Variants in DDX4 observed in about 807,000 individuals in gnomAD.
The protein encoded by DDX4 is probable ATP-dependent RNA helicase DDX4.
DDX4 carries 25 observed loss-of-function variants against 100.0 expected under a neutral mutation model. The ratio of observed to expected loss-of-function variants is 0.25; its 90% CI spans 0.18 to 0.35. The LOEUF is 0.35. Ranked by LOEUF, DDX4 falls within the 10% of genes least tolerant of loss-of-function variation. The pLI, the probability that DDX4 is intolerant of heterozygous loss-of-function variation, is 1.00. For synonymous variants in DDX4, 259 were observed against 275.7 expected (o/e 0.94, Z 0.60); for missense variants, 635 against 882.4 (o/e 0.72, Z 3.55).
chr5:55,792,702 GT>G lies in DDX4; in HGVS notation c.1368del (p.Phe456LeufsTer5). 1.9e-6 allele frequency: 3 copies of G among 1,603,690 alleles called. No homozygotes were observed. The highest frequency in any genetic ancestry group is 1.3e-5 in the African/African-American group (1 of 74,406). On this transcript the variant is annotated frameshift_variant, in exon 17 of 22. Coordinates refer to ENST00000505374, the MANE Select transcript of DDX4 (RefSeq NM_024415.3). LOFTEE classifies it high-confidence loss of function. ...LDEADRMLDMGFGPEMKKLIS... is the reference protein window; with the variant it reads ...LDEADRMLDMXFGPEMKKLIS... ...GAAGCTGATCGCATGTTGGATATGG[GT>G]TTTGGTCCAGAAATGAAGAAGTTAA...
In DDX4 at chr5:55,771,014, A is replaced by AATT. The variant is rs138377552; in HGVS notation, c.394+3076_394+3078dup. 4.2e-3 allele frequency among the ~76,000 whole-genome samples: 646 copies of AATT among 152,258 alleles called. 1 individual carries two copies. Among genetic ancestry groups the AATT allele is most frequent in the African/African-American group, 0.015 (621 of 41,530 alleles). On this transcript the variant is annotated intron_variant, in intron 7 of 21. Transcript: ENST00000505374. ...CCTGACTTACAGATTAGTGTAGGAT[A>AATT]ATTAGCAGGGGCACAGCCATTTTGC... is the stretch of plus-strand genomic sequence containing the variant.
intron 4 of DDX4, among the ~76,000 whole-genome samples, chr5:55,762,746 T>C (rs761096991): frequency 2.0e-5 from 3 of 151,828 alleles, no homozygotes; most frequent in Non-Finnish European, 4.4e-5. Flanking sequence ...ATTTTAAAAA[T>C]GGAAAGGATA....
At chr5:55,811,972 A>G (rs556047441) in intron 18 of DDX4, among the ~76,000 whole-genome samples, 92 of 152,292 alleles carry the variant, frequency 6.0e-4, no homozygotes, top group African/African-American at 2.1e-3. Context: ...TAAGCTTTAC[A>G]CTGATAATAG....
At chr5:55,760,961 A>G (rs2111784958) in intron 4 of DDX4, among the ~76,000 whole-genome samples, 1 of 152,318 alleles carries the variant, frequency 6.6e-6, no homozygotes, top group African/African-American at 2.4e-5. Flanking sequence ...TTTGTTAAAC[A>G]TACTTGACAC....
intron 19 of DDX4, among the ~76,000 whole-genome samples, chr5:55,814,015 G>C (rs6858934): frequency 6.6e-6 from 1 of 152,110 alleles, no homozygotes; most frequent in Non-Finnish European, 1.5e-5. Flanking sequence ...ATAAAGGTCT[G>C]CCTTACTCTC....
chr5:55,748,453 G>A lies in DDX4; in HGVS notation c.127+2232G>A, dbSNP rs557349653. On this transcript the variant is annotated intron_variant, in intron 3 of 21. Transcript: ENST00000505374. The stretch of plus-strand genomic sequence containing the variant: ...TTAACGCATAACACTGTTTTGTATT[G>A]GAATTTTCAAGAAACTAGACTGAAA... 2.0e-4 allele frequency among the ~76,000 whole-genome samples: 31 copies of A among 151,880 alleles called. 2 individuals carry two copies. The South Asian group carries it at 5.0e-3, about 24-fold the overall frequency.
chr5:55,809,979 T>C (rs561885677), intron 18 of DDX4, among the ~76,000 whole-genome samples: 1 of 152,212 alleles, frequency 6.6e-6, no homozygotes, highest in African/African-American at 2.4e-5. Context: ...GGTAAAAGTA[T>C]ACTTTGGATG....
chr5:55,787,433 T>C (rs897864574), intron 14 of DDX4, among the ~76,000 whole-genome samples: 5 of 152,230 alleles, frequency 3.3e-5, no homozygotes, highest in African/African-American at 1.2e-4. Context: ...TCTAAGTTTT[T>C]ACTCTGTGGG....
chr5:55,793,481 G>A (rs1031592650), intron 17 of DDX4, among the ~76,000 whole-genome samples: 4 of 152,070 alleles, frequency 2.6e-5, no homozygotes, highest in East Asian at 1.9e-4. Context: ...TAGGTTTATC[G>A]GGATGTTAAC....
intron 2 of DDX4, among the ~76,000 whole-genome samples, chr5:55,740,479 T>C (rs1415323062): frequency 6.6e-6 from 1 of 151,262 alleles, no homozygotes; most frequent in Non-Finnish European, 1.5e-5. Flanking sequence ...ACATGTTTTA[T>C]ATAGTTTTGA....
chr5:55,763,475 A>G (rs900962359), intron 5 of DDX4, among the ~76,000 whole-genome samples: 1 of 151,870 alleles, frequency 6.6e-6, no homozygotes, highest in Admixed American at 6.6e-5. Flanking sequence ...TTCTAGAGAC[A>G]TGTCTGTATG....
At position 55,814,944 on chromosome 5, in the gene DDX4, C is replaced by T; in HGVS notation, c.1759C>T (p.Arg587Cys). The change falls in exon 20 of 22, where the codon CGC becomes TGC. Residue 587 changes from arginine (R) to cysteine (C), a missense_variant. Arg to Cys is a radical substitution (Grantham distance 180). Coordinates refer to ENST00000505374, the MANE Select transcript of DDX4 (RefSeq NM_024415.3). ...GCGGGAGCAAGCTCTTGGAGATTTTCGCTTTGGAAAGTGCCCAGTTCTTGT... is the reference window on the plus strand; with the variant it reads ...GCGGGAGCAAGCTCTTGGAGATTTTTGCTTTGGAAAGTGCCCAGTTCTTGT... ...REREQALGDF[R>C]FGKCPVLVAT... 5.6e-6 allele frequency: 9 copies of T among 1,614,160 alleles called. No individual in the cohort carries two copies. Among genetic ancestry groups the T allele is most frequent in the South Asian group, 1.1e-5 (1 of 91,084 alleles).
At chr5:55,765,409 A>T (rs1180516231) in intron 6 of DDX4, among the ~76,000 whole-genome samples, 304 of 104,638 alleles carry the variant, frequency 2.9e-3, no homozygotes, top group East Asian at 7.9e-3. Flanking sequence ...AAAAAAAAAA[A>T]AAAAATATAT....
intron 3 of DDX4, among the ~76,000 whole-genome samples, chr5:55,752,414 A>G (rs1301140153): frequency 6.9e-6 from 1 of 144,338 alleles, no homozygotes; most frequent in Admixed American, 7.3e-5. Flanking sequence ...GTTCCCACCT[A>G]TGAGTGAGAA....
At chr5:55,739,747 CTTAT>C (rs1758875810) in intron 2 of DDX4, among the ~76,000 whole-genome samples, 1 of 151,934 alleles carries the variant, frequency 6.6e-6, no homozygotes, top group Non-Finnish European at 1.5e-5. Flanking sequence ...AGTGGAAGTT[CTTAT>C]TTTAGACAAA....
chr5:55,809,731 A>T (rs1743996866), intron 18 of DDX4, among the ~76,000 whole-genome samples: 1 of 152,222 alleles, frequency 6.6e-6, no homozygotes, highest in African/African-American at 2.4e-5. Flanking sequence ...GGGTCCAGAC[A>T]TTTATATTTT....
chr5:55,816,722 T>C lies in DDX4; in HGVS notation c.*182T>C. ...ATGTGAGATGCTAAAACTTACAACATTGCAGTTACTGATACAAATGGTGTT... is the reference window on the plus strand; with the variant it reads ...ATGTGAGATGCTAAAACTTACAACACTGCAGTTACTGATACAAATGGTGTT... On this transcript the variant is annotated 3_prime_UTR_variant, in exon 22 of 22. Transcript: ENST00000505374. 1 of 991,676 alleles carries C rather than the reference T, an allele frequency of 1.0e-6. No individual in the cohort carries two copies. Among genetic ancestry groups the C allele is most frequent in the East Asian group, 2.8e-5 (1 of 36,192 alleles). The allele number at this position is 991,676 out of a possible 1,614,324, so 61.4% of individuals were successfully genotyped here.
At chr5:55,739,105 T>C in intron 2 of DDX4, 73 bp downstream of exon 2, 1 of 891,966 alleles carries the variant, frequency 1.1e-6, no homozygotes, top group Non-Finnish European at 1.9e-6. Flanking sequence ...TGGTGAGAGT[T>C]CTAAATTATA....
intron 3 of DDX4, among the ~76,000 whole-genome samples, chr5:55,746,998 G>T (rs972419613): frequency 6.6e-6 from 1 of 152,198 alleles, no homozygotes; most frequent in Non-Finnish European, 1.5e-5. Flanking sequence ...TTGGGAAGCC[G>T]AAGTAGGAAG....
Sources: gnomAD v4.1 joint callset for allele counts (sites outside exome capture counted in the v4.1 genomes callset) on GRCh38, gnomAD v4.1.1 for gene constraint, MANE v1.5 for transcripts, NCBI Gene and HGNC (gene_info 2026-07-23, HGNC 2026-07-21) for gene names.